The following TTN variants were observed in gnomAD, a reference collection of about 807,000 sequenced individuals.
TTN encodes titin, also known as connectin.
In TTN, 1,525 loss-of-function variants were observed where a neutral mutation model predicts 3,223.0. The ratio of observed to expected loss-of-function variants is 0.47; its 90% CI spans 0.45 to 0.49. The LOEUF (loss-of-function observed/expected upper bound fraction) is 0.49. TTN is among the 20% of genes least tolerant of loss of function. The pLI, the probability that TTN is intolerant of heterozygous loss-of-function variation, is 0.00. For synonymous variants in TTN, 14,094 were observed against 15,161.0 expected, an observed-to-expected ratio of 0.93 and a Z score of 5.17; for missense variants, 40,786 against 43,424.0, an observed-to-expected ratio of 0.94 and a Z score of 5.40.
chr2:178,802,441 C>A lies in TTN; in HGVS notation c.92-100G>T. The A allele has an allele frequency of 3.6e-6, 5 of 1,382,366 alleles. No homozygotes were observed. In the South Asian group the frequency reaches 6.3e-5, roughly 17 times the overall value. The allele number at this position is 1,382,366 out of a possible 1,614,324, so 85.6% of individuals were successfully genotyped here. A position where few individuals can be genotyped will look rare whatever the true frequency, so the allele number is the denominator to read the frequency against. On this transcript the variant is annotated intron_variant, in intron 2 of 362. Transcript: ENST00000589042. The stretch of plus-strand genomic sequence containing the variant: ...ACTGCCTTGTCCGAATCTGTAAAAG[C>A]TTTCCAGCATGGAATGCCACTTAAT...
rs577066020 is a variant in TTN, at chr2:178,702,065, T to A, written c.30513A>T (p.Glu10171Asp). The change falls in exon 109 of 363, where the codon GAA becomes GAT. Residue 10171 changes from glutamate to aspartate, a missense_variant and splice_region_variant. Coordinates refer to ENST00000589042, the MANE Select transcript of TTN (RefSeq NM_001267550.2). ...STAELYLTTK[E>D]IKLELKPPDI... is the part of the protein sequence containing the mutation. ...CAGGAGGCTTCAGCTCAAGTTTGAT[T>A]TCTGCAAAATAAAAAAAAAATGATA... is the stretch of plus-strand genomic sequence containing the variant. 1.9e-4 allele frequency: 304 copies of A among 1,609,640 alleles called. No individual in the cohort carries two copies. The highest frequency in any genetic ancestry group is 2.4e-4 in the Non-Finnish European group (281 of 1,178,640).
In TTN at chr2:178,527,172, CTG is replaced by C. The variant is rs1558954245; in HGVS notation, c.107814_107815del (p.His35938GlnfsTer10). Reference sequence around the variant, plus strand: ...AATGTGGAACCTCCCCTGTTCTTGACTGTGGATTTTTCTTCCACCACAGGACC... The same window carrying C: ...AATGTGGAACCTCCCCTGTTCTTGACTGGATTTTTCTTCCACCACAGGACC... On this transcript the variant is annotated frameshift_variant, in exon 363 of 363. Coordinates refer to ENST00000589042, the MANE Select transcript of TTN (RefSeq NM_001267550.2). LOFTEE classifies it high-confidence loss of function. 1.9e-6 allele frequency: 3 copies of C among 1,614,028 alleles called. No homozygotes were observed. Among genetic ancestry groups the C allele is most frequent in the Non-Finnish European group, 2.5e-6 (3 of 1,179,892 alleles).
intron 350 of TTN, 24 bp downstream of exon 350, chr2:178,541,258 T>C: frequency 6.9e-7 from 1 of 1,454,540 alleles, no homozygotes; most frequent in South Asian, 1.5e-5. Flanking sequence ...CTCAATCAAT[T>C]TGACTGATAC....
In TTN at chr2:178,550,820, C is replaced by T. The variant is rs1172274559; in HGVS notation, c.91564+147G>A. ...ATGCCAATTATTTTTTTCTTCTTTTCATCTGAAAGGTAGAAAGACATAATT... is the reference window on the plus strand; with the variant it reads ...ATGCCAATTATTTTTTTCTTCTTTTTATCTGAAAGGTAGAAAGACATAATT... On this transcript the variant is annotated intron_variant, in intron 336 of 362. Coordinates refer to ENST00000589042, the MANE Select transcript of TTN (RefSeq NM_001267550.2). 3 of 701,282 alleles carry T rather than the reference C, an allele frequency of 4.3e-6. No homozygotes were observed. In the African/African-American group the frequency reaches 5.5e-5, roughly 13 times the overall value. The allele number at this position is 701,282 out of a possible 1,614,324, so 43.4% of individuals were successfully genotyped here. A position where few individuals can be genotyped will look rare whatever the true frequency, so the allele number is the denominator to read the frequency against.
chr2:178,638,470 T>C (rs1024379069), intron 223 of TTN, among the ~76,000 whole-genome samples: 13 of 151,350 alleles, frequency 8.6e-5, no homozygotes, highest in African/African-American at 3.1e-4. Flanking sequence ...AATTAAAAAA[T>C]TTCTCTGTCA....
At position 178,551,743 on chromosome 2, in the gene TTN, G is replaced by C; in HGVS notation, c.91157C>G (p.Ala30386Gly). ...TSPISGREYR[A>G]TGLVEGLDYQ... ...ATCCAGACCTTCTACCAGTCCAGTG[G>C]CTCTATATTCTCTTCCAGAGATTGG... is the stretch of plus-strand genomic sequence containing the variant. The change falls in exon 335 of 363, where the codon GCC (alanine) becomes GGC (glycine). Residue 30386 changes from alanine (A) to glycine (G), a missense_variant. Coordinates refer to ENST00000589042, the MANE Select transcript of TTN (RefSeq NM_001267550.2). The C allele has an allele frequency of 6.2e-7, 1 of 1,613,784 alleles. No individual in the cohort carries two copies. The highest frequency in any genetic ancestry group is 2.2e-5 in the East Asian group (1 of 44,868).
intron 88 of TTN, 73 bp downstream of exon 88, chr2:178,717,022 G>A (rs568889290): frequency 6.7e-7 from 1 of 1,493,456 alleles, no homozygotes; most frequent in East Asian, 2.3e-5. Flanking sequence ...TCTCTCTCAA[G>A]CACACCCACC....
chr2:178,692,149 T>G (rs1278041792), intron 120 of TTN, 50 bp from the exon 121 acceptor site: 1 of 1,510,804 alleles, frequency 6.6e-7, no homozygotes, highest in East Asian at 2.3e-5. Flanking sequence ...AGTCACCTTC[T>G]GAGACATCTA....
chr2:178,575,308 C>A lies in TTN; in HGVS notation c.70824G>T (p.Val23608=), dbSNP rs1248176732. The A allele has an allele frequency of 1.2e-6, 2 of 1,613,506 alleles. No individual in the cohort carries two copies. The highest frequency in any genetic ancestry group is 3.3e-4 in the Middle Eastern group (2 of 6,056). The part of the protein sequence containing the change: ...GEEYTFQVMA[V]NSAGRSAPRE... ...TAGGGGCACTTCTCCCCGCGCTGTT[C>A]ACTGCCATCACTTGGAAGGTATATT... The change falls in exon 326 of 363, where the codon GTG becomes GTT. Residue 23608 remains valine, a synonymous_variant. Coordinates refer to ENST00000589042, the MANE Select transcript of TTN (RefSeq NM_001267550.2). The surrounding 1 kb of genome is among the most constrained non-coding windows in gnomAD (Gnocchi z 4.0).
In TTN at chr2:178,679,956, T is replaced by C. The variant is rs773201717; in HGVS notation, c.33518A>G (p.Tyr11173Cys). The C allele has an allele frequency of 6.2e-7, 1 of 1,613,080 alleles. No individual in the cohort carries two copies. ...EEYLVEEEEE[Y>C]IHEEEEFITE... Reference sequence around the variant, plus strand: ...TATGAACTCCTCTTCTTCATGAATGTACTCTTCTTCTTCTTCTACAAGATA... The same window carrying C: ...TATGAACTCCTCTTCTTCATGAATGCACTCTTCTTCTTCTTCTACAAGATA... Residue 11173 changes from tyrosine (Y) to cysteine (C), a missense_variant, in exon 140 of 363, where the codon TAC (tyrosine) becomes TGC (cysteine). Tyr to Cys is a radical substitution (Grantham distance 194). Coordinates refer to ENST00000589042, the MANE Select transcript of TTN (RefSeq NM_001267550.2).
Position 178,533,643 on chromosome 2 carries a change from A to G in TTN, c.102972T>C (p.Thr34324=), listed in dbSNP as rs751121147. 3.7e-6 allele frequency: 6 copies of G among 1,613,940 alleles called. No individual in the cohort carries two copies. In the South Asian group the frequency reaches 5.5e-5, roughly 15 times the overall value. ...GLYQLTINSV[T]TDDDAEYTVV... is the part of the protein sequence containing the mutation. ...CAGTATATTCAGCGTCATCATCTGT[A>G]GTGACACTGTTGATTGTTAATTGGT... Residue 34324 remains threonine, a synonymous_variant, in exon 358 of 363, where the codon ACT becomes ACC. Coordinates refer to ENST00000589042, the MANE Select transcript of TTN (RefSeq NM_001267550.2).
chr2:178,783,135 T>G, intron 17 of TTN, 71 bp from the exon 18 acceptor site: 2 of 1,571,476 alleles, frequency 1.3e-6, no homozygotes, highest in Non-Finnish European at 1.7e-6. Context: ...TTGTAACAAA[T>G]GTAGAGTTTG....
chr2:178,775,838 T>C lies in TTN; in HGVS notation c.6026A>G (p.Tyr2009Cys). The change falls in exon 28 of 363, where the codon TAT becomes TGT. Residue 2009 changes from tyrosine to cysteine, a missense_variant. Tyr to Cys is a radical substitution (Grantham distance 194). Transcript: ENST00000589042. Reference protein sequence around the residue: ...SKFKRRTEEGYYEAITAVELK... With the variant: ...SKFKRRTEEGCYEAITAVELK... Reference sequence around the variant, plus strand: ...CTCCACAGCGGTAATGGCTTCATAATAGCCCTCTTCTGTTCTGCGCTTGAA... The same window carrying C: ...CTCCACAGCGGTAATGGCTTCATAACAGCCCTCTTCTGTTCTGCGCTTGAA... 6.2e-7 allele frequency: 1 copy of C among 1,614,134 alleles called. No individual in the cohort carries two copies. The highest frequency in any genetic ancestry group is 1.3e-5 in the African/African-American group (1 of 75,044).
chr2:178,540,812 AC>A (rs1254832735), intron 350 of TTN, among the ~76,000 whole-genome samples: 12 of 152,318 alleles, frequency 7.9e-5, no homozygotes, highest in African/African-American at 9.6e-5. Context: ...ACACAAAAAA[AC>A]AAAAGAAAGA....
rs4471922 is a variant in TTN at position 178,768,571 on chromosome 2, G to T, written c.9163+102C>A. Reference sequence around the variant, plus strand: ...ATTGCTGAATGATATCCCATCGTATGGCTATCCCACATTTTATTTATCCAT... The same window carrying T: ...ATTGCTGAATGATATCCCATCGTATTGCTATCCCACATTTTATTTATCCAT... On this transcript the variant is annotated intron_variant, in intron 38 of 362. Transcript: ENST00000589042. The T allele has an allele frequency of 0.75, 1,152,819 of 1,529,284 alleles. 444,536 individuals carry two copies. Among genetic ancestry groups the T allele is most frequent in the Non-Finnish European group, 0.8 (895,762 of 1,118,402 alleles). 94.7% of individuals were successfully genotyped at this position (1,529,284 alleles called of 1,614,324 possible).
At chr2:178,698,941 A>AG (rs1245433600) in intron 111 of TTN, 27 bp from the exon 112 acceptor site, 2 of 1,484,732 alleles carry the variant, frequency 1.3e-6, no homozygotes, top group Admixed American at 5.1e-5. Flanking sequence ...AGAAAAAAAA[A>AG]GAAAAAATAT....
intron 8 of TTN, 128 bp downstream of exon 8, chr2:178,794,271 G>T: frequency 7.1e-7 from 1 of 1,412,552 alleles, no homozygotes; most frequent in Non-Finnish European, 9.9e-7. Context: ...TCTGGGCCCT[G>T]CTGGGCTCAA....
At chr2:178,542,154 A>C in intron 349 of TTN, 110 bp downstream of exon 349, 6 of 1,143,930 alleles carry the variant, frequency 5.2e-6, no homozygotes, top group Non-Finnish European at 7.3e-6. Context: ...CCACAGGGTT[A>C]ATTTTGTGAC....
In TTN at chr2:178,529,954, A is replaced by G. The variant is rs772189154; in HGVS notation, c.106531+6T>C. 2.9e-5 allele frequency: 46 copies of G among 1,584,942 alleles called. No homozygotes were observed. The highest frequency in any genetic ancestry group is 5.9e-5 in the Admixed American group (3 of 50,502). Reference sequence around the variant, plus strand: ...GAAATGTGGGTAAAAACAAAAGCCAACCTACCTTTTATTGTTAATTTGCAG... The same window carrying G: ...GAAATGTGGGTAAAAACAAAAGCCAGCCTACCTTTTATTGTTAATTTGCAG... On this transcript the variant is annotated splice_donor_region_variant and intron_variant, in intron 359 of 362. Transcript: ENST00000589042.
Sources: gnomAD v4.1 joint callset for allele counts (sites outside exome capture counted in the v4.1 genomes callset) on GRCh38, gnomAD v4.1.1 for gene constraint, Gnocchi (gnomAD v3.1) non-coding constraint, MANE v1.5 for transcripts, NCBI Gene and HGNC (gene_info 2026-07-23, HGNC 2026-07-21) for gene names.